The following NTRK2 variants were observed in gnomAD, a reference collection of about 807,000 sequenced individuals.
The protein encoded by NTRK2 is BDNF/NT-3 growth factors receptor.
NTRK2 carries 13 observed loss-of-function variants against 94.5 expected under a neutral mutation model. The observed-to-expected ratio is 0.14, with a 90% CI of 0.09 to 0.22. NTRK2 has a LOEUF of 0.22. NTRK2 is among the 10% of genes least tolerant of loss of function. NTRK2 has a pLI of 1.00. For missense variants in NTRK2, 639 were observed against 1,071.2 expected, an observed-to-expected ratio of 0.60 and a Z score of 5.63; for synonymous variants, 372 against 407.4, an observed-to-expected ratio of 0.91 and a Z score of 1.05.
At chr9:84,823,776 G>C (rs759989482) in intron 12 of NTRK2, among the ~76,000 whole-genome samples, 1 of 152,096 alleles carries the variant, frequency 6.6e-6, no homozygotes, top group Admixed American at 6.5e-5. Context: ...ATTTTTTAAG[G>C]TCTCTATGAG....
intron 12 of NTRK2, among the ~76,000 whole-genome samples, chr9:84,832,592 A>G (rs1309558873): frequency 6.6e-6 from 1 of 152,190 alleles, no homozygotes; most frequent in Non-Finnish European, 1.5e-5. Context: ...CACATGATGC[A>G]GCATCGTTGT....
chr9:84,905,691 A>G (rs2077053809), intron 14 of NTRK2, among the ~76,000 whole-genome samples: 1 of 152,136 alleles, frequency 6.6e-6, no homozygotes, highest in South Asian at 2.1e-4. Flanking sequence ...TGACATTGCT[A>G]TGTGTGGTAC....
chr9:84,836,986 A>AT (rs2073917128), intron 12 of NTRK2, among the ~76,000 whole-genome samples: 1 of 145,430 alleles, frequency 6.9e-6, no homozygotes, highest in Non-Finnish European at 1.5e-5. Context: ...ATAATATAAT[A>AT]ATACTGGAAT....
intron 13 of NTRK2, among the ~76,000 whole-genome samples, chr9:84,865,305 T>G (rs1211948788): frequency 2.0e-5 from 3 of 152,172 alleles, no homozygotes; most frequent in African/African-American, 7.2e-5. Flanking sequence ...AGCGCATCAT[T>G]AAAGGCAGCT....
intron 2 of NTRK2, among the ~76,000 whole-genome samples, chr9:84,693,713 GT>G (rs1337859171): frequency 3.7e-4 from 57 of 152,164 alleles, no homozygotes; most frequent in African/African-American, 1.2e-3. Flanking sequence ...CTAGGAGGCA[GT>G]TACTGTCGTT....
intron 17 of NTRK2, among the ~76,000 whole-genome samples, chr9:84,964,465 C>T (rs184369056): frequency 5.3e-5 from 8 of 152,282 alleles, no homozygotes; most frequent in Admixed American, 2.6e-4. Context: ...GTTTTTCCTT[C>T]GGCCATGAAT....
Position 84,833,001 on chromosome 9 carries a change from G to C in NTRK2, c.1397-28039G>C, listed in dbSNP as rs142120619. Among the ~76,000 whole-genome samples the C allele has an allele frequency of 1.5e-3, 235 of 152,000 alleles. 2 individuals carry two copies. The highest frequency in any genetic ancestry group is 5.2e-3 in the African/African-American group (215 of 41,446). ...CGTGCTGGGCTGAGTGGGGACTTCT[G>C]TGTCAGAGGAGCCCACAGCTGAGGC... is the stretch of plus-strand genomic sequence containing the variant. On this transcript the variant is annotated intron_variant, in intron 12 of 18. Coordinates refer to ENST00000277120, the MANE Select transcript of NTRK2 (RefSeq NM_006180.6).
At position 84,742,789 on chromosome 9, in the gene NTRK2, GTTTTTTTTTT is replaced by G. The variant is rs757253032; in HGVS notation, c.1195+880_1195+889del. The stretch of plus-strand genomic sequence containing the variant: ...AAAGAAACCAAAGTCCATTATATTA[GTTTTTTTTTT>G]TTTTTTTTTTTTTTTTTCCGAGACG... On this transcript the variant is annotated intron_variant, in intron 10 of 18. Coordinates refer to ENST00000277120, the MANE Select transcript of NTRK2 (RefSeq NM_006180.6). Among the ~76,000 whole-genome samples, 28 of 103,706 alleles carry G rather than the reference GTTTTTTTTTT, an allele frequency of 2.7e-4. 1 individual carries two copies. Among genetic ancestry groups the G allele is most frequent in the Non-Finnish European group, 3.0e-4 (17 of 55,978 alleles). The allele number at this position is 103,706 out of a possible 152,430, so 68.0% of individuals were successfully genotyped here.
intron 17 of NTRK2, among the ~76,000 whole-genome samples, chr9:85,007,424 T>C (rs1490406): frequency 0.72 from 109,966 of 152,070 alleles, 40,309 homozygotes; most frequent in Middle Eastern, 0.8. Flanking sequence ...GCCATTCTGA[T>C]GACTTTTAAT....
chr9:84,977,492 A>T (rs566281424), intron 17 of NTRK2, among the ~76,000 whole-genome samples: 1 of 152,392 alleles, frequency 6.6e-6, no homozygotes, highest in Non-Finnish European at 1.5e-5. Flanking sequence ...TTCACTGGAA[A>T]TGTGCATATC....
intron 9 of NTRK2, among the ~76,000 whole-genome samples, chr9:84,728,396 C>T (rs1334991037): frequency 6.6e-6 from 1 of 152,156 alleles, no homozygotes; most frequent in Non-Finnish European, 1.5e-5. Context: ...CTGATACACA[C>T]TGGATTAATA....
At chr9:84,769,536 G>A (rs2066333217) in intron 12 of NTRK2, among the ~76,000 whole-genome samples, 1 of 152,202 alleles carries the variant, frequency 6.6e-6, no homozygotes, top group African/African-American at 2.4e-5. Context: ...ATGCATTGAC[G>A]ATACAATTCA....
rs200100030 is a variant in NTRK2 at position 84,813,483 on chromosome 9, C to T, written c.1397-47557C>T. 9 of 1,064,920 alleles carry T rather than the reference C, an allele frequency of 8.5e-6. No individual in the cohort carries two copies. In the Admixed American group the frequency reaches 1.6e-4, roughly 19 times the overall value. 66.0% of individuals were successfully genotyped at this position (1,064,920 alleles called of 1,614,324 possible). On this transcript the variant is annotated intron_variant, in intron 12 of 18. Coordinates refer to ENST00000277120, the MANE Select transcript of NTRK2 (RefSeq NM_006180.6). ...CTCTCACGGTATCCTTCTGTCTTCC[C>T]GTTGCAAATTCACTTTTCTTTCTTC... is the stretch of plus-strand genomic sequence containing the variant.
At chr9:84,994,294 C>T (rs149052031) in intron 17 of NTRK2, among the ~76,000 whole-genome samples, 37 of 152,292 alleles carry the variant, frequency 2.4e-4, no homozygotes, top group African/African-American at 8.9e-4. Context: ...GAGGGCCATG[C>T]TCACTATCAT....
chr9:84,813,432 T>G (rs201804452), intron 12 of NTRK2: 11 of 1,064,264 alleles, frequency 1.0e-5, no homozygotes, highest in Non-Finnish European at 1.3e-5. Context: ...AGTTTATTAC[T>G]TTTGTCTTAA....
chr9:84,792,411 T>C (rs2068824599), intron 12 of NTRK2, among the ~76,000 whole-genome samples: 2 of 152,190 alleles, frequency 1.3e-5, no homozygotes. Context: ...AAACTTCAGT[T>C]AAAAATATCA....
intron 2 of NTRK2, among the ~76,000 whole-genome samples, chr9:84,687,859 G>A (rs1281691355): frequency 6.6e-6 from 1 of 151,936 alleles, no homozygotes; most frequent in Non-Finnish European, 1.5e-5. Flanking sequence ...TGTTTCAAGG[G>A]CACAAACAGA....
intron 12 of NTRK2, among the ~76,000 whole-genome samples, chr9:84,794,409 C>T (rs1384721747): frequency 4.6e-5 from 7 of 152,126 alleles, no homozygotes; most frequent in African/African-American, 1.4e-4. Context: ...GATTAAAAGG[C>T]AGTTCAGATG....
chr9:84,825,935 G>A, intron 12 of NTRK2, among the ~76,000 whole-genome samples: 1 of 152,214 alleles, frequency 6.6e-6, no homozygotes, highest in East Asian at 1.9e-4. Flanking sequence ...ATGTGTGAAT[G>A]TTTCTGAGTA....
Sources: allele counts gnomAD v4.1 joint callset (sites outside exome capture counted in the v4.1 genomes callset), GRCh38; gene constraint gnomAD v4.1.1; transcripts MANE v1.5; gene names NCBI Gene and HGNC (gene_info 2026-07-23, HGNC 2026-07-21).